ST7: variants seen among roughly 807,000 people sequenced by gnomAD.
The protein encoded by ST7 is suppressor of tumorigenicity 7 protein.
ST7 carries 28 observed loss-of-function variants against 78.7 expected under a neutral mutation model. The observed-to-expected ratio is 0.36, with a 90% CI of 0.26 to 0.49. ST7 has a LOEUF of 0.49. Ranked by LOEUF, ST7 falls within the 20% of genes least tolerant of loss-of-function variation. The probability of loss-of-function intolerance (pLI) is 0.99; values close to 1 mark genes in which losing one functional copy is unlikely to be tolerated. For missense variants in ST7, 418 were observed against 696.0 expected, an observed-to-expected ratio of 0.60 and a Z score of 4.49; for synonymous variants, 247 against 249.6, an observed-to-expected ratio of 0.99 and a Z score of 0.10.
chr7:117,005,225 A>G (rs1020923496), intron 1 of ST7, among the ~76,000 whole-genome samples: 2 of 152,204 alleles, frequency 1.3e-5, no homozygotes, highest in Non-Finnish European at 2.9e-5. Context: ...TATTGACAAA[A>G]ATAACTTAAT....
intron 1 of ST7, among the ~76,000 whole-genome samples, chr7:117,056,372 T>C (rs112923643): frequency 0.021 from 3,243 of 152,218 alleles, 130 homozygotes; most frequent in African/African-American, 0.074. Context: ...TGGTGGCTCA[T>C]GCCTGTAACC....
chr7:117,106,616 CTTTTT>C (rs758855564), intron 2 of ST7, among the ~76,000 whole-genome samples: 6 of 107,748 alleles, frequency 5.6e-5, no homozygotes, highest in East Asian at 5.3e-4. Context: ...TTGTATCATT[CTTTTT>C]TTTTTTTTTT....
At chr7:117,210,938 A>T (rs1400313707) in intron 13 of ST7, among the ~76,000 whole-genome samples, 1 of 152,080 alleles carries the variant, frequency 6.6e-6, no homozygotes, top group Non-Finnish European at 1.5e-5. Flanking sequence ...GCTCACCCTT[A>T]CTCTGATCAA....
intron 10 of ST7, among the ~76,000 whole-genome samples, chr7:117,188,269 G>A (rs146319873): frequency 6.6e-6 from 1 of 152,192 alleles, no homozygotes; most frequent in South Asian, 2.1e-4. Context: ...CTACTTTACT[G>A]TAATCCTTTC....
chr7:117,159,650 T>C (rs1346326279), intron 9 of ST7, among the ~76,000 whole-genome samples: 1 of 152,238 alleles, frequency 6.6e-6, no homozygotes, highest in Non-Finnish European at 1.5e-5. Context: ...GCTAATTATG[T>C]TACCAAGTAT....
chr7:117,222,281 C>T (rs571057527), intron 15 of ST7, among the ~76,000 whole-genome samples: 1 of 152,174 alleles, frequency 6.6e-6, no homozygotes, highest in East Asian at 1.9e-4. Flanking sequence ...CATTTCACAA[C>T]AAATTCTTAG....
chr7:117,001,052 G>C (rs756009172), intron 1 of ST7, among the ~76,000 whole-genome samples: 10 of 152,330 alleles, frequency 6.6e-5, no homozygotes, highest in Non-Finnish European at 1.5e-4. Flanking sequence ...TAATGTTGTG[G>C]TTGGATAACA....
intron 13 of ST7, among the ~76,000 whole-genome samples, chr7:117,212,121 T>C (rs879275299): frequency 6.6e-6 from 1 of 152,228 alleles, no homozygotes; most frequent in Non-Finnish European, 1.5e-5. Flanking sequence ...AAAAGAGGAC[T>C]GTGGAAGTGC....
chr7:116,972,101 C>T (rs769541423), intron 1 of ST7: 9 of 534,294 alleles, frequency 1.7e-5, no homozygotes, highest in Non-Finnish European at 3.3e-5. Context: ...CAGCTTCAGG[C>T]AGGCTGGCCT....
At chr7:117,175,938 T>C (rs1808313248) in intron 10 of ST7, among the ~76,000 whole-genome samples, 1 of 152,202 alleles carries the variant, frequency 6.6e-6, no homozygotes, top group Admixed American at 6.5e-5. Context: ...TGTTACGACT[T>C]GTTATTAAAA....
intron 1 of ST7, among the ~76,000 whole-genome samples, chr7:116,998,392 C>T (rs1794775607): frequency 6.6e-6 from 1 of 152,218 alleles, no homozygotes; most frequent in African/African-American, 2.4e-5. Flanking sequence ...CCACACCTCC[C>T]CGCAAGCCGA....
At chr7:117,201,244 T>C (rs1810816883) in intron 12 of ST7, among the ~76,000 whole-genome samples, 1 of 152,198 alleles carries the variant, frequency 6.6e-6, no homozygotes, top group Non-Finnish European at 1.5e-5. Context: ...TTTTTTGGAT[T>C]AGAGTAAGGA....
rs141610233 is a variant in ST7 at position 117,135,990 on chromosome 7, C to T, written c.711-91C>T. On this transcript the variant is annotated intron_variant, in intron 7 of 15. Transcript: ENST00000323984. ...CAGTTGGCCACTCTGCATGTTTTGGCGTAACTCCTTGCCTTTCTGCATGAG... is the reference window on the plus strand; with the variant it reads ...CAGTTGGCCACTCTGCATGTTTTGGTGTAACTCCTTGCCTTTCTGCATGAG... 705 of 1,430,720 alleles carry T rather than the reference C, an allele frequency of 4.9e-4. 4 individuals are homozygous for T. The African/African-American group carries it at 8.1e-3, about 17-fold the overall frequency. The allele number at this position is 1,430,720 out of a possible 1,614,324, so 88.6% of individuals were successfully genotyped here.
chr7:117,080,736 T>A (rs1799708694), intron 1 of ST7: 1 of 152,206 alleles, frequency 6.6e-6, no homozygotes, highest in Admixed American at 6.5e-5. Context: ...AATTTCAGGC[T>A]TTTAATTTAA....
chr7:117,098,484 C>A, intron 1 of ST7: 1 of 180,304 alleles, frequency 5.5e-6, no homozygotes. Flanking sequence ...ACACCCAGGA[C>A]CAATCTATGC....
chr7:117,119,935 CT>C (rs34616975), intron 3 of ST7, among the ~76,000 whole-genome samples: 127 of 145,468 alleles, frequency 8.7e-4, no homozygotes, highest in East Asian at 2.0e-3. Flanking sequence ...TTTTACCCTC[CT>C]TTTTTTTTTT....
At chr7:117,024,125 A>C (rs1296180101) in intron 1 of ST7, among the ~76,000 whole-genome samples, 1 of 152,234 alleles carries the variant, frequency 6.6e-6, no homozygotes, top group East Asian at 1.9e-4. Flanking sequence ...ATTTAATGAT[A>C]TATTTTAAAA....
At chr7:117,050,948 AAAG>A (rs1298023492) in intron 1 of ST7, among the ~76,000 whole-genome samples, 3 of 152,036 alleles carry the variant, frequency 2.0e-5, no homozygotes, top group African/African-American at 7.2e-5. Context: ...AAAAAAAAGA[AAAG>A]AAAATATTTT....
rs372192783 is a variant in ST7, at chr7:117,097,822, C to CTATATATA, written c.152-1926_152-1919dup. Among the ~76,000 whole-genome samples the CTATATATA allele has an allele frequency of 3.1e-3, 311 of 99,200 alleles. 2 individuals are homozygous for CTATATATA. The highest frequency in any genetic ancestry group is 0.01 in the African/African-American group (262 of 25,568). 65.1% of individuals were successfully genotyped at this position (99,200 alleles called of 152,430 possible). On this transcript the variant is annotated intron_variant, in intron 1 of 15. Transcript: ENST00000323984. ...CTGTTGCATGGGAAATGACATATCA[C>CTATATATA]TATATATATATATATATATATGTAT... is the stretch of plus-strand genomic sequence containing the variant.
Sources: allele counts gnomAD v4.1 joint callset (sites outside exome capture counted in the v4.1 genomes callset), GRCh38; gene constraint gnomAD v4.1.1; transcripts MANE v1.5; gene names NCBI Gene and HGNC (gene_info 2026-07-23, HGNC 2026-07-21).